The following PPM1E variants were observed in gnomAD, a reference collection of about 807,000 sequenced individuals.
PPM1E encodes the protein protein phosphatase, Mg2+/Mn2+ dependent 1E.
A neutral mutation model predicts 65.9 loss-of-function variants in PPM1E; 20 were observed. That is an observed-to-expected ratio of 0.30 (90% CI 0.21 to 0.44). PPM1E has a LOEUF of 0.44. Ranked by LOEUF, PPM1E falls within the 20% of genes least tolerant of loss-of-function variation. The pLI, the probability that PPM1E is intolerant of heterozygous loss-of-function variation, is 1.00. For missense variants in PPM1E, 713 were observed against 953.1 expected (o/e 0.75, Z 3.32); for synonymous variants, 352 against 374.9 (o/e 0.94, Z 0.70).
At chr17:58,841,917 C>T (rs1165485984) in intron 1 of PPM1E, among the ~76,000 whole-genome samples, 1 of 152,190 alleles carries the variant, frequency 6.6e-6, no homozygotes, top group African/African-American at 2.4e-5. Context: ...CCATATTGCC[C>T]AGGCTGGTCT....
intron 1 of PPM1E, among the ~76,000 whole-genome samples, chr17:58,840,614 C>G (rs2050708883): frequency 6.7e-6 from 1 of 149,378 alleles, no homozygotes; most frequent in Non-Finnish European, 1.5e-5. Context: ...CTTGTAGAGG[C>G]AGAAAGTAAG....
chr17:58,843,504 A>T (rs1321813391), intron 1 of PPM1E, among the ~76,000 whole-genome samples: 1 of 151,708 alleles, frequency 6.6e-6, no homozygotes, highest in Admixed American at 6.6e-5. Flanking sequence ...ACAGAGCAAG[A>T]TCCTGTCTAA....
intron 6 of PPM1E, among the ~76,000 whole-genome samples, chr17:58,979,579 C>CAAGG (rs1412642429): frequency 1.4e-4 from 22 of 152,274 alleles, no homozygotes; most frequent in African/African-American, 4.8e-4. Flanking sequence ...TCAATTAAAT[C>CAAGG]AAAACCACCT....
intron 1 of PPM1E, among the ~76,000 whole-genome samples, chr17:58,779,966 G>C (rs1485234417): frequency 6.6e-6 from 1 of 152,122 alleles, no homozygotes; most frequent in African/African-American, 2.4e-5. Context: ...GTTACAGGTG[G>C]ATCATAATTT....
chr17:58,806,846 C>T (rs1489659730), intron 1 of PPM1E, among the ~76,000 whole-genome samples: 54 of 150,162 alleles, frequency 3.6e-4, no homozygotes, highest in Non-Finnish European at 5.9e-4. Context: ...ACTACAGGTG[C>T]GTGCCACCAC....
At chr17:58,966,418 TAAAAAAAA>T (rs55779609) in intron 3 of PPM1E, 93 of 122,464 alleles carry the variant, frequency 7.6e-4, no homozygotes, top group African/African-American at 2.9e-3. Flanking sequence ...AGCAGTTTTG[TAAAAAAAA>T]AAAAAAAAAA....
intron 1 of PPM1E, among the ~76,000 whole-genome samples, chr17:58,935,810 CT>C (rs904826708): frequency 3.5e-4 from 52 of 148,418 alleles, no homozygotes; most frequent in Middle Eastern, 3.4e-3. Flanking sequence ...AATGAGATTT[CT>C]TTTTTTTTTA....
At chr17:58,801,150 G>C (rs891198481) in intron 1 of PPM1E, among the ~76,000 whole-genome samples, 1 of 152,082 alleles carries the variant, frequency 6.6e-6, no homozygotes. Flanking sequence ...GCTGGATGTA[G>C]TGTTCTATAA....
chr17:58,766,653 T>A (rs1366987599), intron 1 of PPM1E, among the ~76,000 whole-genome samples: 1 of 151,766 alleles, frequency 6.6e-6, no homozygotes, highest in Non-Finnish European at 1.5e-5. Context: ...ACTAAAAGGC[T>A]AAAATGCTAA....
intron 1 of PPM1E, among the ~76,000 whole-genome samples, chr17:58,782,395 T>TTA (rs2050058661): frequency 6.7e-6 from 1 of 150,048 alleles, no homozygotes. Context: ...CAATCTTAAC[T>TTA]CAGGTTTTTG....
In PPM1E at chr17:58,969,677, A is replaced by C. The variant is rs144926162; in HGVS notation, c.922A>C (p.Arg308=). ...FPHDPAEALC[R]AFRVTDERFV... ...CCATGATCCTGCTGAGGCCCTGTGC[A>C]GGGCCTTCCGGGTCACTGATGAGCG... is the stretch of plus-strand genomic sequence containing the variant. Residue 308 remains arginine (R), a synonymous_variant, in exon 4 of 7, where the codon AGG becomes CGG. Coordinates refer to ENST00000308249, the MANE Select transcript of PPM1E (RefSeq NM_014906.5). The C allele has an allele frequency of 6.2e-7, 1 of 1,614,070 alleles. No individual in the cohort carries two copies. Among genetic ancestry groups the C allele is most frequent in the South Asian group, 1.1e-5 (1 of 91,094 alleles).
intron 1 of PPM1E, among the ~76,000 whole-genome samples, chr17:58,940,898 A>G (rs772799022): frequency 6.6e-6 from 1 of 152,164 alleles, no homozygotes; most frequent in African/African-American, 2.4e-5. Flanking sequence ...TTTAGTAGAG[A>G]CAGGGTTTTG....
At chr17:58,818,112 CAATATT>C (rs1473984595) in intron 1 of PPM1E, among the ~76,000 whole-genome samples, 1 of 151,980 alleles carries the variant, frequency 6.6e-6, no homozygotes, top group Non-Finnish European at 1.5e-5. Context: ...GAAAAGTAAA[CAATATT>C]AAACAGGAAA....
At chr17:58,776,192 T>C (rs1163333857) in intron 1 of PPM1E, among the ~76,000 whole-genome samples, 1 of 151,896 alleles carries the variant, frequency 6.6e-6, no homozygotes. Context: ...CCAGACATGC[T>C]GGTGCGCCTC....
Position 58,778,402 on chromosome 17 carries a change from C to CT in PPM1E, c.464+21964dup, listed in dbSNP as rs59155396. ...GACATCAGCCACTGTGGCTGGCCAT[C>CT]TTTTTTTTTTTTTTTTTTTTTTTGA... On this transcript the variant is annotated intron_variant, in intron 1 of 6. Coordinates refer to ENST00000308249, the MANE Select transcript of PPM1E (RefSeq NM_014906.5). Among the ~76,000 whole-genome samples, 422 of 85,966 alleles carry CT rather than the reference C, an allele frequency of 4.9e-3. 3 individuals carry two copies. Among genetic ancestry groups the CT allele is most frequent in the East Asian group, 9.1e-3 (32 of 3,498 alleles). The allele number at this position is 85,966 out of a possible 152,430, so 56.4% of individuals were successfully genotyped here.
chr17:58,826,246 G>A (rs1022662471), intron 1 of PPM1E, among the ~76,000 whole-genome samples: 5 of 149,826 alleles, frequency 3.3e-5, no homozygotes, highest in Admixed American at 2.7e-4. Flanking sequence ...GCAGTGAGCC[G>A]AGATGGCTCC....
chr17:58,844,858 A>G (rs946570066), intron 1 of PPM1E, among the ~76,000 whole-genome samples: 1 of 152,230 alleles, frequency 6.6e-6, no homozygotes. Flanking sequence ...ACATCACAAC[A>G]TCTTACAGAA....
chr17:58,854,453 A>G (rs2050860613), intron 1 of PPM1E, among the ~76,000 whole-genome samples: 1 of 152,158 alleles, frequency 6.6e-6, no homozygotes, highest in Admixed American at 6.5e-5. Context: ...TCTGTAGAAT[A>G]GAAGTAGACA....
intron 1 of PPM1E, among the ~76,000 whole-genome samples, chr17:58,798,689 C>A (rs1224471013): frequency 6.6e-6 from 1 of 151,650 alleles, no homozygotes; most frequent in South Asian, 2.1e-4. Flanking sequence ...TTTCTGTTTT[C>A]TTTTCTTCTT....
Sources: allele counts gnomAD v4.1 joint callset (sites outside exome capture counted in the v4.1 genomes callset), GRCh38; gene constraint gnomAD v4.1.1; transcripts MANE v1.5; gene names NCBI Gene and HGNC (gene_info 2026-07-23, HGNC 2026-07-21).